ATP2C1: variants seen among roughly 807,000 people sequenced by gnomAD.
The protein encoded by ATP2C1 is calcium-transporting ATPase type 2C member 1.
ATP2C1 carries 31 observed loss-of-function variants against 120.5 expected under a neutral mutation model. That is an observed-to-expected ratio of 0.26 (90% CI 0.19 to 0.35). The LOEUF is 0.35. Among genes scored for constraint, ATP2C1 ranks in the 10% least tolerant of loss-of-function variants. The pLI is 1.00. For missense variants in ATP2C1, 731 were observed against 1,107.5 expected, an observed-to-expected ratio of 0.66 and a Z score of 4.83; for synonymous variants, 351 against 358.7, an observed-to-expected ratio of 0.98 and a Z score of 0.24.
At chr3:130,989,238 AATC>A (rs1178462981) in intron 20 of ATP2C1, among the ~76,000 whole-genome samples, 1 of 128,072 alleles carries the variant, frequency 7.8e-6, no homozygotes. Flanking sequence ...CAAGAGCGAA[AATC>A]CATCTCAAAA....
At chr3:130,952,279 A>C (rs899537243) in intron 8 of ATP2C1, among the ~76,000 whole-genome samples, 1 of 152,192 alleles carries the variant, frequency 6.6e-6, no homozygotes, top group Non-Finnish European at 1.5e-5. Flanking sequence ...CCTACTGTGT[A>C]TGATAAAGCA....
At chr3:130,883,269 G>C (rs72983750) in intron 1 of ATP2C1, among the ~76,000 whole-genome samples, 68 of 151,816 alleles carry the variant, frequency 4.5e-4, no homozygotes, top group African/African-American at 1.6e-3. Flanking sequence ...TGGTTTGTCA[G>C]TTTTGTTCAT....
intron 2 of ATP2C1, among the ~76,000 whole-genome samples, chr3:130,912,488 A>C (rs1284578236): frequency 1.3e-5 from 2 of 149,058 alleles, no homozygotes; most frequent in African/African-American, 4.9e-5. Flanking sequence ...TGCAGCCAAA[A>C]AACACATGAA....
intron 8 of ATP2C1, among the ~76,000 whole-genome samples, chr3:130,950,643 T>C (rs1390983039): frequency 6.6e-6 from 1 of 152,160 alleles, no homozygotes; most frequent in Non-Finnish European, 1.5e-5. Flanking sequence ...TCTTTGCAGA[T>C]TGGGACATTG....
At chr3:130,904,101 T>C (rs1158344311) in intron 2 of ATP2C1, among the ~76,000 whole-genome samples, 1 of 152,032 alleles carries the variant, frequency 6.6e-6, no homozygotes, top group Non-Finnish European at 1.5e-5. Flanking sequence ...ATTATGTTGA[T>C]TTTTAAAATT....
chr3:130,868,336 C>T (rs1377407011), intron 1 of ATP2C1: 13 of 130,574 alleles, frequency 1.0e-4, no homozygotes, highest in Non-Finnish European at 2.1e-4. Flanking sequence ...AGTGAGGAGC[C>T]CCTCTGCCCG....
chr3:130,853,291 A>C (rs2067734302), intron 1 of ATP2C1, among the ~76,000 whole-genome samples: 1 of 152,210 alleles, frequency 6.6e-6, no homozygotes, highest in Non-Finnish European at 1.5e-5. Context: ...TTTAAGAGAA[A>C]GGTTAGAGCA....
At chr3:130,940,556 A>T (rs911734748) in intron 6 of ATP2C1, 74 bp from the exon 7 acceptor site, 10 of 976,846 alleles carry the variant, frequency 1.0e-5, no homozygotes, top group Non-Finnish European at 1.5e-5. Context: ...TAAAATAATG[A>T]TTGAGATTAA....
chr3:130,989,681 T>G (rs1234725738), intron 20 of ATP2C1, among the ~76,000 whole-genome samples: 1 of 152,236 alleles, frequency 6.6e-6, no homozygotes, highest in African/African-American at 2.4e-5. Context: ...AAGTTTGTAC[T>G]TCTGTTGCTT....
intron 7 of ATP2C1, 148 bp from the exon 8 acceptor site, chr3:130,941,443 T>C (rs1158696363): frequency 1.5e-6 from 1 of 675,268 alleles, no homozygotes; most frequent in African/African-American, 1.8e-5. Flanking sequence ...TTTTCTGTCA[T>C]CTTGGCATCT....
At chr3:130,896,615 T>A (rs558007250) in intron 2 of ATP2C1, among the ~76,000 whole-genome samples, 183 of 152,204 alleles carry the variant, frequency 1.2e-3, no homozygotes, top group Non-Finnish European at 2.5e-3. Context: ...GTAGTTTTCA[T>A]CCTTCTTTGA....
chr3:130,887,085 G>C (rs2068994687), intron 1 of ATP2C1, among the ~76,000 whole-genome samples: 2 of 152,212 alleles, frequency 1.3e-5, no homozygotes, highest in Non-Finnish European at 2.9e-5. Flanking sequence ...TAGACTTGTA[G>C]AGGTACTGCC....
chr3:130,920,693 G>A (rs372080373), intron 2 of ATP2C1, among the ~76,000 whole-genome samples: 1 of 152,026 alleles, frequency 6.6e-6, no homozygotes. Flanking sequence ...TTTTAGAATC[G>A]TTTTTCCATT....
intron 2 of ATP2C1, among the ~76,000 whole-genome samples, chr3:130,925,969 CT>C (rs2059186158): frequency 6.6e-6 from 1 of 152,180 alleles, no homozygotes; most frequent in South Asian, 2.1e-4. Flanking sequence ...GCTGGTCTCA[CT>C]TCCATCATGC....
At chr3:130,891,403 C>T (rs1033057889), upstream of ATP2C1, among the ~76,000 whole-genome samples, 13 of 152,314 alleles carry the variant, frequency 8.5e-5, no homozygotes, top group African/African-American at 2.4e-4. Flanking sequence ...CATGACCATT[C>T]TTCTTCAATC....
intron 2 of ATP2C1, among the ~76,000 whole-genome samples, chr3:130,913,935 A>G (rs993344144): frequency 6.6e-6 from 1 of 152,186 alleles, no homozygotes; most frequent in Admixed American, 6.6e-5. Flanking sequence ...CTATCTAAAA[A>G]AGTAGTAAAA....
chr3:131,009,246 TACTC>T (rs146680576), intron 26 of ATP2C1, among the ~76,000 whole-genome samples: 1,827 of 152,266 alleles, frequency 0.012, 39 homozygotes, highest in African/African-American at 0.041. Flanking sequence ...GGAAAAAATA[TACTC>T]ACTAACTCAT....
chr3:130,940,780 T>C lies in ATP2C1; in HGVS notation c.422+89T>C. 5 of 1,002,310 alleles carry C rather than the reference T, an allele frequency of 5.0e-6. No homozygotes were observed. The South Asian group carries it at 5.3e-5, about 11-fold the overall frequency. The allele number at this position is 1,002,310 out of a possible 1,614,324, so 62.1% of individuals were successfully genotyped here. A position where few individuals can be genotyped will look rare whatever the true frequency, so the allele number is the denominator to read the frequency against. ...ACCGTACATATTGTTATCCCCACTT[T>C]GTCTGAACATAAGGAAGATACTATT... is the stretch of plus-strand genomic sequence containing the variant. On this transcript the variant is annotated intron_variant, in intron 7 of 27. Coordinates refer to ENST00000510168, the MANE Select transcript of ATP2C1 (RefSeq NM_001378687.1).
intron 2 of ATP2C1, among the ~76,000 whole-genome samples, chr3:130,902,312 T>TTTTTTTTTTTTTG (rs1559900216): frequency 1.3e-5 from 1 of 76,446 alleles, no homozygotes; most frequent in African/African-American, 4.1e-5. Flanking sequence ...TTTTTTTTTT[T>TTTTTTTTTTTTTG]TTTTTTTTTT....
Sources: allele counts gnomAD v4.1 joint callset (sites outside exome capture counted in the v4.1 genomes callset), GRCh38; gene constraint gnomAD v4.1.1; transcripts MANE v1.5; gene names NCBI Gene and HGNC (gene_info 2026-07-23, HGNC 2026-07-21).